MASP2: variants seen among roughly 807,000 people sequenced by gnomAD.
The protein encoded by MASP2 is MBL associated serine protease 2, also known as mannan-binding lectin serine protease 2.
MASP2 carries 49 observed loss-of-function variants against 57.1 expected under a neutral mutation model. That is an observed-to-expected ratio of 0.86 (90% CI 0.68 to 1.09). The LOEUF (loss-of-function observed/expected upper bound fraction) is 1.09, where lower values mean the gene tolerates loss of function less well. Among genes scored for constraint, MASP2 ranks in the 50% least tolerant of loss-of-function variants. The pLI is 0.00. For synonymous variants in MASP2, 379 were observed against 340.8 expected, an observed-to-expected ratio of 1.11 and a Z score of -1.24; for missense variants, 900 against 874.8, an observed-to-expected ratio of 1.03 and a Z score of -0.36.
intron 10 of MASP2, among the ~76,000 whole-genome samples, chr1:11,027,950 G>A (rs911284261): frequency 6.6e-6 from 1 of 152,190 alleles, no homozygotes; most frequent in Non-Finnish European, 1.5e-5. Context: ...TTGGCCGGGT[G>A]CAGTGTCACA....
intron 5 of MASP2, 98 bp downstream of exon 5, chr1:11,043,238 GGGT>G: frequency 8.8e-7 from 1 of 1,137,116 alleles, no homozygotes; most frequent in South Asian, 1.5e-5. Flanking sequence ...GGGTCACCGA[GGGT>G]GACGGGAACG....
intron 8 of MASP2, among the ~76,000 whole-genome samples, chr1:11,031,528 TA>T (rs565771459): frequency 8.1e-4 from 55 of 67,500 alleles, no homozygotes; most frequent in Middle Eastern, 0.013. Context: ...GACTCTGTCT[TA>T]AAAAAAAAAA....
rs1208974169 is a variant in MASP2 at position 11,028,697 on chromosome 1, G to GTT, written c.1298-1051_1298-1050dup. ...AATTAATATATTACTATCTTTCTGG[G>GTT]TTTTTTTTCTTTTTTTTTTTTTTTT... On this transcript the variant is annotated intron_variant, in intron 10 of 10. Transcript: ENST00000400897. Among the ~76,000 whole-genome samples the GTT allele has an allele frequency of 6.0e-3, 218 of 36,110 alleles. 8 individuals carry two copies. Among genetic ancestry groups the GTT allele is most frequent in the East Asian group, 0.057 (58 of 1,010 alleles). The allele number at this position is 36,110 out of a possible 152,430, so 23.7% of individuals were successfully genotyped here.
chr1:11,033,768 CA>C (rs1570741576), intron 8 of MASP2, among the ~76,000 whole-genome samples: 1 of 137,154 alleles, frequency 7.3e-6, no homozygotes, highest in South Asian at 2.3e-4. Flanking sequence ...TCGTCTTTAC[CA>C]AAAAAATACA....
chr1:11,046,474 G>T (rs746974965), intron 3 of MASP2, 82 bp downstream of exon 3: 1 of 1,505,922 alleles, frequency 6.6e-7, no homozygotes. Context: ...GAAACTGAAG[G>T]CAGGGCTGCC....
Position 11,027,419 on chromosome 1 carries a change from A to G in MASP2, c.1527T>C (p.Tyr509=), listed in dbSNP as rs1643756265. The G allele has an allele frequency of 1.2e-6, 2 of 1,614,274 alleles. No homozygotes were observed. The highest frequency in any genetic ancestry group is 1.7e-6 in the Non-Finnish European group (2 of 1,180,050). Residue 509 remains tyrosine (Y), a synonymous_variant, in exon 11 of 11, where the codon TAT becomes TAC. Transcript: ENST00000400897. ...AAACAGCTTCAGACCAGGCTTGTGTATAATGAGGTGATAGTCTTTTCAGGG... is the reference window on the plus strand; with the variant it reads ...AAACAGCTTCAGACCAGGCTTGTGTGTAATGAGGTGATAGTCTTTTCAGGG... ...MGTLKRLSPH[Y]TQAWSEAVFI...
Position 11,027,291 on chromosome 1 carries a change from CAAAT to C in MASP2, c.1651_1654del (p.Ile551ValfsTer11). Reference sequence around the variant, plus strand: ...GGATTCAGCTTCTTTTCTTGGCAGACAAATAGGCGTGATGTTGCTATTGATTACA... The same window carrying C: ...GGATTCAGCTTCTTTTCTTGGCAGACAGGCGTGATGTTGCTATTGATTACA... On this transcript the variant is annotated frameshift_variant, in exon 11 of 11. Transcript: ENST00000400897. LOFTEE classifies it low-confidence loss of function (END_TRUNC). The C allele has an allele frequency of 6.2e-7, 1 of 1,613,892 alleles. No homozygotes were observed. Among genetic ancestry groups the C allele is most frequent in the Non-Finnish European group, 8.5e-7 (1 of 1,179,864 alleles).
In MASP2 at chr1:11,035,172, A is replaced by G. The variant is rs529311854; in HGVS notation, c.1009-266T>C. Among the ~76,000 whole-genome samples, 48 of 152,226 alleles carry G rather than the reference A, an allele frequency of 3.2e-4. 1 individual carries two copies. In the South Asian group the frequency reaches 8.3e-3, roughly 26 times the overall value. ...CAGGTATTGGCATTTTATGAATCAG[A>G]TGGAACCTTTGCAGCAATTTATAAT... On this transcript the variant is annotated intron_variant, in intron 7 of 10. Transcript: ENST00000400897.
intron 4 of MASP2, chr1:11,045,203 A>G: frequency 1.2e-6 from 1 of 811,604 alleles, no homozygotes; most frequent in Non-Finnish European, 2.1e-6. Flanking sequence ...AATTAGTCTC[A>G]GTCGCTAGGG....
At chr1:11,036,421 G>A (rs1425432954) in intron 7 of MASP2, among the ~76,000 whole-genome samples, 2 of 146,430 alleles carry the variant, frequency 1.4e-5, no homozygotes, top group African/African-American at 2.5e-5. Context: ...GGAGAATGGC[G>A]TGAACCCGGG....
chr1:11,046,193 A>G, intron 3 of MASP2: 1 of 337,174 alleles, frequency 3.0e-6, no homozygotes, highest in Admixed American at 4.2e-5. Context: ...TTGTAGTTTT[A>G]GTGGAGATAG....
In MASP2 at chr1:11,027,050, G is replaced by A. The variant is rs878893091; in HGVS notation, c.1896C>T (p.Asp632=). The change falls in exon 11 of 11, where the codon GAC becomes GAT. Residue 632 remains aspartate (D), a synonymous_variant. Transcript: ENST00000400897. ...ESGGKDSCRG[D]SGGALVFLDS... ...CTAGAAACACCAGTGCCCCTCCGCTGTCACCTCTGCAGCTGTCCTTGCCCC... is the reference window on the plus strand; with the variant it reads ...CTAGAAACACCAGTGCCCCTCCGCTATCACCTCTGCAGCTGTCCTTGCCCC... 3 of 1,593,712 alleles carry A rather than the reference G, an allele frequency of 1.9e-6. No individual in the cohort carries two copies. The Admixed American group carries it at 5.2e-5, about 28-fold the overall frequency.
chr1:11,030,294 A>T, intron 9 of MASP2, 44 bp from the exon 10 acceptor site: 5 of 1,391,132 alleles, frequency 3.6e-6, no homozygotes, highest in Non-Finnish European at 5.1e-6. Flanking sequence ...TGCATGTATA[A>T]GATGGTTGTC....
intron 6 of MASP2, among the ~76,000 whole-genome samples, chr1:11,040,481 A>C (rs1314477137): frequency 2.0e-5 from 3 of 151,092 alleles, no homozygotes; most frequent in Non-Finnish European, 4.4e-5. Flanking sequence ...AAAAAAAAAA[A>C]AAACGGATGG....
At position 11,027,069 on chromosome 1, in the gene MASP2, T is replaced by A; in HGVS notation, c.1877A>T (p.Lys626Met). ...MLCAGLESGG[K>M]DSCRGDSGGA... is the part of the protein sequence containing the mutation. ...TCCGCTGTCACCTCTGCAGCTGTCC[T>A]TGCCCCCACTTTCTAAGCCAGCACA... The change falls in exon 11 of 11, where the codon AAG (lysine) becomes ATG (methionine). Residue 626 changes from lysine to methionine, a missense_variant. Transcript: ENST00000400897. The A allele has an allele frequency of 6.3e-7, 1 of 1,594,086 alleles. No homozygotes were observed. Among genetic ancestry groups the A allele is most frequent in the Non-Finnish European group, 8.5e-7 (1 of 1,170,152 alleles).
chr1:11,043,301 G>T (rs778008254), intron 5 of MASP2, 38 bp downstream of exon 5: 1 of 1,554,614 alleles, frequency 6.4e-7, no homozygotes, highest in East Asian at 2.3e-5. Context: ...GGCTGAGGGG[G>T]AGGATCTGGG....
Position 11,027,169 on chromosome 1 carries a change from C to T in MASP2, c.1777G>A (p.Val593Ile). 1 of 1,614,138 alleles carries T rather than the reference C, an allele frequency of 6.2e-7. No homozygotes were observed. Among genetic ancestry groups the T allele is most frequent in the Non-Finnish European group, 8.5e-7 (1 of 1,180,044 alleles). The change falls in exon 11 of 11, where the codon GTT (valine) becomes ATT (isoleucine). Residue 593 changes from valine to isoleucine, a missense_variant. Coordinates refer to ENST00000400897, the MANE Select transcript of MASP2 (RefSeq NM_006610.4). Reference protein sequence around the residue: ...RNLMYVDIPIVDHQKCTAAYE... With the variant: ...RNLMYVDIPIIDHQKCTAAYE... ...GCAGCAGTACATTTTTGATGGTCAACAATCGGTATGTCGACATACATTAGA... is the reference window on the plus strand; with the variant it reads ...GCAGCAGTACATTTTTGATGGTCAATAATCGGTATGTCGACATACATTAGA...
intron 8 of MASP2, among the ~76,000 whole-genome samples, chr1:11,032,795 G>A (rs1281446536): frequency 6.6e-6 from 1 of 151,782 alleles, no homozygotes; most frequent in East Asian, 1.9e-4. Context: ...TGTAATCCCA[G>A]CTATTTGGGA....
Position 11,047,125 on chromosome 1 carries a change from G to GT in MASP2, c.6-7_6-6insA, listed in dbSNP as rs1331916745. 2.6e-6 allele frequency: 4 copies of GT among 1,549,584 alleles called. No homozygotes were observed. The highest frequency in any genetic ancestry group is 2.6e-6 in the Non-Finnish European group (3 of 1,146,388). On this transcript the variant is annotated splice_region_variant and splice_polypyrimidine_tract_variant and intron_variant, in intron 1 of 10. Transcript: ENST00000400897. ...GGCCCAGGAGGGTCAGCAGCCTATG[G>GT]GCAGGGCAGGGGCGGTGAGGGCCCA...
Sources: gnomAD v4.1 joint callset for allele counts (sites outside exome capture counted in the v4.1 genomes callset) on GRCh38, gnomAD v4.1.1 for gene constraint, MANE v1.5 for transcripts, NCBI Gene and HGNC (gene_info 2026-07-23, HGNC 2026-07-21) for gene names.